Variants in TMCO1 observed in about 807,000 individuals in gnomAD.
The protein encoded by TMCO1 is calcium load-activated calcium channel.
TMCO1 carries 29 observed loss-of-function variants against 29.3 expected under a neutral mutation model. The ratio of observed to expected loss-of-function variants is 0.99; its 90% CI spans 0.74 to 1.35. The LOEUF is 1.35. Ranked by LOEUF, TMCO1 falls within the 40% of genes most tolerant of loss-of-function variation. The pLI, the probability that TMCO1 is intolerant of heterozygous loss-of-function variation, is 0.00. For synonymous variants in TMCO1, 80 were observed against 77.1 expected, an observed-to-expected ratio of 1.04 and a Z score of -0.20; for missense variants, 173 against 225.5, an observed-to-expected ratio of 0.77 and a Z score of 1.49.
chr1:165,729,311 TCA>T (rs1651039570), intron 6 of TMCO1, among the ~76,000 whole-genome samples: 3 of 139,376 alleles, frequency 2.2e-5, no homozygotes, highest in South Asian at 2.6e-4. Flanking sequence ...TACTTTGTTC[TCA>T]TAATTCTTTT....
chr1:165,741,297 ACT>A (rs1361142773), intron 6 of TMCO1, among the ~76,000 whole-genome samples: 6 of 152,100 alleles, frequency 3.9e-5, no homozygotes, highest in African/African-American at 1.4e-4. Flanking sequence ...CCCTCTTTTC[ACT>A]GTTATAGTTT....
At chr1:165,746,466 C>A (rs1651804122) in intron 5 of TMCO1, among the ~76,000 whole-genome samples, 1 of 150,710 alleles carries the variant, frequency 6.6e-6, no homozygotes, top group South Asian at 2.1e-4. Flanking sequence ...CACACACACA[C>A]ACACACACAC....
chr1:165,734,200 G>C (rs1239276175), intron 6 of TMCO1, among the ~76,000 whole-genome samples: 1 of 152,056 alleles, frequency 6.6e-6, no homozygotes, highest in Non-Finnish European at 1.5e-5. Context: ...AATATTACCA[G>C]GGCTCTCACA....
At chr1:165,762,988 C>T (rs1040746604) in intron 2 of TMCO1, among the ~76,000 whole-genome samples, 5 of 152,164 alleles carry the variant, frequency 3.3e-5, no homozygotes, top group Non-Finnish European at 1.5e-5. Context: ...CAGTGACCAC[C>T]TGAGTCAACC....
At chr1:165,724,348 TAC>T (rs765512624), downstream of TMCO1, 19 of 453,994 alleles carry the variant, frequency 4.2e-5, no homozygotes, top group East Asian at 8.3e-4. Flanking sequence ...CTGCTCGCAT[TAC>T]AGAGACAACC....
At chr1:165,729,236 C>T (rs1461771485) in intron 6 of TMCO1, among the ~76,000 whole-genome samples, 4 of 151,468 alleles carry the variant, frequency 2.6e-5, no homozygotes, top group Non-Finnish European at 4.4e-5. Flanking sequence ...TCCATTGTTT[C>T]ACCTACATCT....
chr1:165,735,687 G>C (rs558713265), intron 6 of TMCO1, among the ~76,000 whole-genome samples: 2 of 152,090 alleles, frequency 1.3e-5, no homozygotes, highest in African/African-American at 4.8e-5. Context: ...GCTAATTTTT[G>C]TATTTTTAGT....
chr1:165,724,626 G>T (rs14223), downstream of TMCO1: 257,277 of 453,696 alleles, frequency 0.57, 75,338 homozygotes, highest in South Asian at 0.74. Flanking sequence ...AGGCTCTAGT[G>T]ATTCTGATAC....
At chr1:165,752,050 T>C in intron 5 of TMCO1, 52 bp downstream of exon 5, 4 of 1,405,874 alleles carry the variant, frequency 2.8e-6, no homozygotes, top group Non-Finnish European at 4.0e-6. Context: ...CTAACATACA[T>C]ACAAATATAG....
intron 5 of TMCO1, among the ~76,000 whole-genome samples, chr1:165,751,680 G>A (rs1034913015): frequency 1.3e-5 from 2 of 151,662 alleles, no homozygotes; most frequent in African/African-American, 4.8e-5. Context: ...ACTCCAGCCT[G>A]GGTGACAGAG....
chr1:165,737,605 G>A (rs1651439905), intron 6 of TMCO1, among the ~76,000 whole-genome samples: 1 of 152,148 alleles, frequency 6.6e-6, no homozygotes, highest in Admixed American at 6.5e-5. Context: ...AAAGTAGCTA[G>A]AGAAAAGTGA....
chr1:165,746,019 C>T (rs1651782250), intron 5 of TMCO1, among the ~76,000 whole-genome samples: 2 of 152,154 alleles, frequency 1.3e-5, no homozygotes, highest in South Asian at 2.1e-4. Context: ...CGGTGGCTCA[C>T]GCCTGTAATC....
chr1:165,735,969 A>G (rs1013291359), intron 6 of TMCO1, among the ~76,000 whole-genome samples: 1 of 152,200 alleles, frequency 6.6e-6, no homozygotes, highest in Non-Finnish European at 1.5e-5. Context: ...TTACAAATTC[A>G]TATGTTGAAT....
chr1:165,767,138 C>T (rs149876195), intron 2 of TMCO1, among the ~76,000 whole-genome samples: 19 of 152,076 alleles, frequency 1.2e-4, no homozygotes, highest in Middle Eastern at 3.4e-3. Context: ...AATATTTATA[C>T]GAGTAACCAC....
chr1:165,746,433 T>C (rs1392221181), intron 5 of TMCO1, among the ~76,000 whole-genome samples: 3 of 144,808 alleles, frequency 2.1e-5, no homozygotes, highest in Admixed American at 7.2e-5. Context: ...CTTTGACTTC[T>C]ATAGCTTGGA....
chr1:165,751,988 C>T (rs1652008715), intron 5 of TMCO1, 114 bp downstream of exon 5: 2 of 869,872 alleles, frequency 2.3e-6, no homozygotes, highest in South Asian at 1.5e-5. Context: ...TGCAACTTTT[C>T]TTTAAGTTTG....
At chr1:165,751,980 C>T in intron 5 of TMCO1, 122 bp downstream of exon 5, 3 of 797,066 alleles carry the variant, frequency 3.8e-6, no homozygotes, top group Non-Finnish European at 4.2e-6. Context: ...ACTATTCTTG[C>T]AACTTTTCTT....
intron 1 of TMCO1, 98 bp from the exon 2 acceptor site, chr1:165,768,367 G>C: frequency 6.7e-7 from 1 of 1,499,348 alleles, no homozygotes; most frequent in East Asian, 2.3e-5. Context: ...CCAACTTTTC[G>C]CTTTGTATTT....
At chr1:165,730,720 G>C (rs547553207) in intron 6 of TMCO1, among the ~76,000 whole-genome samples, 2 of 151,704 alleles carry the variant, frequency 1.3e-5, no homozygotes, top group Admixed American at 6.6e-5. Flanking sequence ...TCAGCCTCCC[G>C]AGGAGCTGGG....
Sources: allele counts gnomAD v4.1 joint callset (sites outside exome capture counted in the v4.1 genomes callset), GRCh38; gene constraint gnomAD v4.1.1; transcripts MANE v1.5; gene names NCBI Gene and HGNC (gene_info 2026-07-23, HGNC 2026-07-21).